MRPL28: variants seen among roughly 807,000 people sequenced by gnomAD.
MRPL28 encodes the protein mitochondrial ribosomal protein L28.
MRPL28 carries 25 observed loss-of-function variants against 26.2 expected under a neutral mutation model. That is an observed-to-expected ratio of 0.95 (90% CI 0.69 to 1.33). The LOEUF (loss-of-function observed/expected upper bound fraction) is 1.33. MRPL28 is among the 40% of genes most tolerant of loss of function. The pLI is 0.00. For missense variants in MRPL28, 432 were observed against 327.2 expected (o/e 1.32, Z -2.47); for synonymous variants, 227 against 140.1 (o/e 1.62, Z -4.38).
chr16:369,727 C>A (rs1357258120), intron 2 of MRPL28: 1 of 772,716 alleles, frequency 1.3e-6, no homozygotes, highest in Non-Finnish European at 2.2e-6. Flanking sequence ...CGGCCTGAGT[C>A]ACCCCACCTC....
Position 367,267 on chromosome 16 carries a change from G to T in MRPL28, c.*408C>A. 1.8e-6 allele frequency: 1 copy of T among 571,154 alleles called. No homozygotes were observed. Among genetic ancestry groups the T allele is most frequent in the South Asian group, 2.4e-5 (1 of 40,890 alleles). The allele number at this position is 571,154 out of a possible 1,614,324, so 35.4% of individuals were successfully genotyped here. A position where few individuals can be genotyped will look rare whatever the true frequency, so the allele number is the denominator to read the frequency against. On this transcript the variant is annotated 3_prime_UTR_variant, in exon 6 of 6. Coordinates refer to ENST00000199706, the MANE Select transcript of MRPL28 (RefSeq NM_006428.5). ...TGAACCTCGCTCTCTGCAGCTCACC[G>T]GGGGACGGGCACAGCCAGAGTCAAT...
chr16:368,556 G>A lies in MRPL28; in HGVS notation c.521C>T (p.Pro174Leu), dbSNP rs770320227. The A allele has an allele frequency of 1.4e-5, 23 of 1,597,548 alleles. 1 individual carries two copies. In the South Asian group the frequency reaches 2.0e-4, roughly 14 times the overall value. ...CTCGGGGTCCTCGGGGTGCAGCTGGGGGTCCTGCCGGGCAAGCCGCAGCAG... is the reference window on the plus strand; with the variant it reads ...CTCGGGGTCCTCGGGGTGCAGCTGGAGGTCCTGCCGGGCAAGCCGCAGCAG... The part of the protein sequence containing the change: ...GMLLRLARQD[P>L]QLHPEDPERR... The change falls in exon 4 of 6, where the codon CCC becomes CTC. Residue 174 changes from proline (P) to leucine (L), a missense_variant. Transcript: ENST00000199706.
chr16:367,172 T>G lies in MRPL28; in HGVS notation c.*503A>C, dbSNP rs2054266894. 6.6e-6 allele frequency among the ~76,000 whole-genome samples: 1 copy of G among 152,010 alleles called. No individual in the cohort carries two copies. Among genetic ancestry groups the G allele is most frequent in the Admixed American group, 6.6e-5 (1 of 15,260 alleles). ...GTGAGTCCAGATCGTGCCACTGCAC[T>G]CCAGCCTGGGTGACTGAGCAAGACT... is the stretch of plus-strand genomic sequence containing the variant. On this transcript the variant is annotated 3_prime_UTR_variant, in exon 6 of 6. Coordinates refer to ENST00000199706, the MANE Select transcript of MRPL28 (RefSeq NM_006428.5).
Position 367,315 on chromosome 16 carries a change from CA to C in MRPL28, c.*359del. ...AATGCCCACGGCTCATCCGAGGTCT[CA>C]GGGGCAGCAAGGGCAGGGGTGACAG... On this transcript the variant is annotated 3_prime_UTR_variant, in exon 6 of 6. Coordinates refer to ENST00000199706, the MANE Select transcript of MRPL28 (RefSeq NM_006428.5). 1 of 614,762 alleles carries C rather than the reference CA, an allele frequency of 1.6e-6. No homozygotes were observed. Among genetic ancestry groups the C allele is most frequent in the Non-Finnish European group, 3.0e-6 (1 of 330,590 alleles). The allele number at this position is 614,762 out of a possible 1,614,324, so 38.1% of individuals were successfully genotyped here. A position where few individuals can be genotyped will look rare whatever the true frequency, so the allele number is the denominator to read the frequency against.
intron 2 of MRPL28, 129 bp downstream of exon 2, chr16:369,802 G>C: frequency 1.7e-6 from 2 of 1,190,918 alleles, no homozygotes; most frequent in Admixed American, 4.5e-5. Flanking sequence ...TCCTTTGCCG[G>C]AGATGTGTCG....
At chr16:368,233 A>G in intron 5 of MRPL28, 95 bp downstream of exon 5, 1 of 1,423,068 alleles carries the variant, frequency 7.0e-7, no homozygotes. Context: ...CCAGTGCACC[A>G]GCCCCTTGTG....
At chr16:368,961 C>T in intron 3 of MRPL28, 107 bp downstream of exon 3, 1 of 1,370,220 alleles carries the variant, frequency 7.3e-7, no homozygotes, top group African/African-American at 1.4e-5. Flanking sequence ...AGTGACCCTC[C>T]TGTGCAGATG....
In MRPL28 at chr16:366,977, G is replaced by A. The variant is rs1031697209; in HGVS notation, c.*698C>T. On this transcript the variant is annotated 3_prime_UTR_variant, in exon 6 of 6. Coordinates refer to ENST00000199706, the MANE Select transcript of MRPL28 (RefSeq NM_006428.5). ...AATCCCAACACTTTGGCAGGTTGAG[G>A]CAGGTGGGTCACCTGAGGTCAGGAG... Among the ~76,000 whole-genome samples the A allele has an allele frequency of 1.4e-4, 22 of 152,200 alleles. No individual in the cohort carries two copies. Among genetic ancestry groups the A allele is most frequent in the Non-Finnish European group, 4.4e-5 (3 of 68,034 alleles).
chr16:367,807 G>T, intron 5 of MRPL28, 25 bp from the exon 6 acceptor site: 3 of 1,600,784 alleles, frequency 1.9e-6, no homozygotes, highest in Non-Finnish European at 2.6e-6. Flanking sequence ...GGCTCATGGT[G>T]AGGCCAGGGA....
chr16:368,892 A>G, intron 3 of MRPL28, 176 bp downstream of exon 3: 1 of 1,023,770 alleles, frequency 9.8e-7, no homozygotes, highest in Non-Finnish European at 1.4e-6. Context: ...CCTCTCCTGA[A>G]GGCAGGAAAC....
chr16:367,675 T>A lies in MRPL28; in HGVS notation c.771A>T (p.Ter257CysextTer21). 6.2e-7 allele frequency: 1 copy of A among 1,613,198 alleles called. No individual in the cohort carries two copies. The highest frequency in any genetic ancestry group is 8.5e-7 in the Non-Finnish European group (1 of 1,179,562). ...AVVQKRASGQ[*>C] The stretch of plus-strand genomic sequence containing the variant: ...GGTCAGGCATGGAGGAGCTGTGTGG[T>A]CACTGGCCACTGGCTCTCTTCTGCA... Residue 257 changes from the stop codon to cysteine, a stop_lost, in exon 6 of 6, where the codon TGA becomes TGT. Transcript: ENST00000199706.
rs1206376336 is a variant in MRPL28 at position 367,064 on chromosome 16, C to A, written c.*611G>T. On this transcript the variant is annotated 3_prime_UTR_variant, in exon 6 of 6. Transcript: ENST00000199706. ...CTCTACTAAAATACAATTAGCCATA[C>A]ATGATAGCGGGGTGCCTGTAATCCC... Among the ~76,000 whole-genome samples the A allele has an allele frequency of 2.6e-5, 4 of 152,132 alleles. No homozygotes were observed. The highest frequency in any genetic ancestry group is 5.9e-5 in the Non-Finnish European group (4 of 68,008).
Position 367,320 on chromosome 16 carries a change from G to A in MRPL28, c.*355C>T, listed in dbSNP as rs2054267977. 3.3e-6 allele frequency: 2 copies of A among 615,082 alleles called. No homozygotes were observed. The allele number at this position is 615,082 out of a possible 1,614,324, so 38.1% of individuals were successfully genotyped here. On this transcript the variant is annotated 3_prime_UTR_variant, in exon 6 of 6. Transcript: ENST00000199706. ...CCACGGCTCATCCGAGGTCTCAGGG[G>A]CAGCAAGGGCAGGGGTGACAGGATC...
At position 368,425 on chromosome 16, in the gene MRPL28, A is replaced by T; in HGVS notation, c.577-11T>A. The T allele has an allele frequency of 1.2e-6, 2 of 1,613,550 alleles. No homozygotes were observed. The highest frequency in any genetic ancestry group is 1.7e-6 in the Non-Finnish European group (2 of 1,179,850). On this transcript the variant is annotated splice_polypyrimidine_tract_variant and intron_variant, in intron 4 of 5. Coordinates refer to ENST00000199706, the MANE Select transcript of MRPL28 (RefSeq NM_006428.5). ...TGGGATGGCAAATTCCTAGGCAGGC[A>T]GAGATGGAAAGGGCAGTGAGGCCCA...
chr16:368,280 A>G, intron 5 of MRPL28, 48 bp downstream of exon 5: 1 of 1,592,248 alleles, frequency 6.3e-7, no homozygotes, highest in Non-Finnish European at 8.6e-7. Flanking sequence ...CCAGACCCTG[A>G]ACACCAGGCT....
chr16:368,882 C>T (rs35604057), intron 3 of MRPL28, 186 bp downstream of exon 3: 150,492 of 986,818 alleles, frequency 0.15, 12,462 homozygotes, highest in Non-Finnish European at 0.17. Context: ...AGAGCGACAG[C>T]CTCTCCTGAA....
intron 2 of MRPL28, chr16:369,637 C>T (rs888979397): frequency 2.8e-6 from 2 of 719,898 alleles, no homozygotes; most frequent in South Asian, 1.5e-5. Flanking sequence ...GCTCGCCTCT[C>T]CCACCTGCTC....
intron 5 of MRPL28, 123 bp downstream of exon 5, chr16:368,205 G>C: frequency 8.7e-7 from 1 of 1,154,866 alleles, no homozygotes; most frequent in South Asian, 1.3e-5. Flanking sequence ...CAGAGCAGCA[G>C]CTCTTCCCCA....
In MRPL28 at chr16:370,211, A is replaced by G. The variant is rs2054311072; in HGVS notation, c.8T>C (p.Leu3Pro). MP[L>P]HKYPVWLWKR... ...CCAGAGCCACACGGGATACTTGTGTAGAGGCATCGCGAGCCTGGCGGGAGG... is the reference window on the plus strand; with the variant it reads ...CCAGAGCCACACGGGATACTTGTGTGGAGGCATCGCGAGCCTGGCGGGAGG... Residue 3 changes from leucine (L) to proline (P), a missense_variant, in exon 2 of 6, where the codon CTA becomes CCA. Transcript: ENST00000199706. 4 of 1,583,518 alleles carry G rather than the reference A, an allele frequency of 2.5e-6. No individual in the cohort carries two copies. Among genetic ancestry groups the G allele is most frequent in the Non-Finnish European group, 3.4e-6 (4 of 1,169,220 alleles).
Sources: gnomAD v4.1 joint callset for allele counts (sites outside exome capture counted in the v4.1 genomes callset) on GRCh38, gnomAD v4.1.1 for gene constraint, MANE v1.5 for transcripts, NCBI Gene and HGNC (gene_info 2026-07-23, HGNC 2026-07-21) for gene names.